The following SV2C variants were observed in gnomAD, a reference collection of about 807,000 sequenced individuals.
SV2C encodes synaptic vesicle glycoprotein 2C, also known as solute carrier family 22 member B3.
A neutral mutation model predicts 79.7 loss-of-function variants in SV2C; 49 were observed. That is an observed-to-expected ratio of 0.61 (90% CI 0.49 to 0.78). SV2C has a LOEUF of 0.78. SV2C is among the 30% of genes least tolerant of loss of function. The pLI, the probability that SV2C is intolerant of heterozygous loss-of-function variation, is 0.00. For missense variants in SV2C, 833 were observed against 912.9 expected (o/e 0.91, Z 1.13); for synonymous variants, 334 against 333.2 (o/e 1.00, Z -0.03).
intron 2 of SV2C, among the ~76,000 whole-genome samples, chr5:76,151,904 C>A (rs976789014): frequency 2.6e-5 from 4 of 152,098 alleles, no homozygotes; most frequent in South Asian, 2.1e-4. Flanking sequence ...GCTCCTGGGG[C>A]CTCACGGGGA....
chr5:75,878,165 G>C, the SV2C span, among the ~76,000 whole-genome samples: 1 of 152,066 alleles, frequency 6.6e-6, no homozygotes, highest in African/African-American at 2.4e-5. Context: ...AATCTAGATG[G>C]GTAGGAAAGG....
At chr5:75,946,775 A>G in the SV2C span, among the ~76,000 whole-genome samples, 2 of 152,098 alleles carry the variant, frequency 1.3e-5, no homozygotes, top group African/African-American at 2.4e-5. Context: ...GGGTTTGACT[A>G]CAAAGGTACA....
chr5:75,876,226 A>G, the SV2C span, among the ~76,000 whole-genome samples: 1 of 152,322 alleles, frequency 6.6e-6, no homozygotes, highest in South Asian at 2.1e-4. Context: ...ACATCATGGA[A>G]TACTATGCAG....
intron 4 of SV2C, among the ~76,000 whole-genome samples, chr5:76,276,983 A>G (rs1467566793): frequency 6.6e-6 from 1 of 152,238 alleles, no homozygotes. Context: ...AGTAGGAATG[A>G]ATGAACAAAA....
chr5:75,900,590 C>T, the SV2C span, among the ~76,000 whole-genome samples: 1 of 152,090 alleles, frequency 6.6e-6, no homozygotes, highest in Non-Finnish European at 1.5e-5. Context: ...CTCTGTATTT[C>T]CTGAATCTGA....
intron 4 of SV2C, among the ~76,000 whole-genome samples, chr5:76,238,389 C>T (rs1745682854): frequency 6.6e-6 from 1 of 152,026 alleles, no homozygotes; most frequent in Non-Finnish European, 1.5e-5. Flanking sequence ...TGTTCTCCTA[C>T]ATCTCTAAGG....
At chr5:76,098,520 G>C (rs575476036) in intron 1 of SV2C, among the ~76,000 whole-genome samples, 1 of 152,148 alleles carries the variant, frequency 6.6e-6, no homozygotes, top group East Asian at 1.9e-4. Context: ...CATTGTTGTC[G>C]GGGCAAAGCT....
At chr5:75,985,260 C>T in the SV2C span, among the ~76,000 whole-genome samples, 2 of 151,948 alleles carry the variant, frequency 1.3e-5, no homozygotes, top group East Asian at 3.9e-4. Context: ...AATTCACTCA[C>T]CCGAGAGGGA....
intron 1 of SV2C, among the ~76,000 whole-genome samples, chr5:76,130,226 G>A (rs1167633958): frequency 2.2e-5 from 3 of 138,506 alleles, no homozygotes; most frequent in Non-Finnish European, 4.6e-5. Context: ...AAAACATTTG[G>A]TTAAAAACCT....
At chr5:76,230,225 C>A (rs1187745865) in intron 4 of SV2C, among the ~76,000 whole-genome samples, 5 of 152,202 alleles carry the variant, frequency 3.3e-5, no homozygotes, top group African/African-American at 1.2e-4. Flanking sequence ...GATTTACTCA[C>A]ATTCAAATCC....
chr5:75,852,222 G>T, the SV2C span, among the ~76,000 whole-genome samples: 1 of 152,094 alleles, frequency 6.6e-6, no homozygotes, highest in Admixed American at 6.6e-5. Flanking sequence ...TAGATGATGA[G>T]TTGATGGGTG....
intron 4 of SV2C, among the ~76,000 whole-genome samples, chr5:76,230,916 C>T (rs1040106773): frequency 3.3e-5 from 5 of 152,196 alleles, no homozygotes; most frequent in Non-Finnish European, 7.3e-5. Flanking sequence ...CTTGGGTTCT[C>T]GAAGCCTCAG....
intron 6 of SV2C, chr5:76,286,746 C>T (rs1286172613): frequency 6.6e-6 from 1 of 152,196 alleles, no homozygotes; most frequent in Non-Finnish European, 1.5e-5. Context: ...AACTTCTGAT[C>T]ATGGCAGAAG....
At chr5:76,035,332 A>G in the SV2C span, among the ~76,000 whole-genome samples, 2,721 of 151,574 alleles carry the variant, frequency 0.018, 40 homozygotes, top group South Asian at 0.049. Context: ...AGTTCTTTTA[A>G]TTGTGATGTT....
Position 76,300,848 on chromosome 5 carries a change from A to C in SV2C, c.1756A>C (p.Asn586His). 6.2e-7 allele frequency: 1 copy of C among 1,614,168 alleles called. No homozygotes were observed. The highest frequency in any genetic ancestry group is 8.5e-7 in the Non-Finnish European group (1 of 1,180,006). The change falls in exon 11 of 13, where the codon AAC (asparagine) becomes CAC (histidine). Residue 586 changes from asparagine to histidine, a missense_variant. Physicochemically the swap from Asn to His is moderately conservative, Grantham distance 68. Transcript: ENST00000502798. ...DYSAYWIYFV[N>H]FLGTLAVLPG... is the part of the protein sequence containing the mutation. Reference sequence around the variant, plus strand: ...TAGTGCCTACTGGATTTATTTTGTCAACTTTCTGGGGACATTGGCAGTATT... The same window carrying C: ...TAGTGCCTACTGGATTTATTTTGTCCACTTTCTGGGGACATTGGCAGTATT...
intron 2 of SV2C, among the ~76,000 whole-genome samples, chr5:76,163,182 A>G (rs916192698): frequency 2.1e-5 from 3 of 144,194 alleles, no homozygotes; most frequent in Non-Finnish European, 3.0e-5. Context: ...CTTTGAGGTC[A>G]TTTTCTTTTT....
At chr5:76,088,786 A>G (rs1747281804) in intron 1 of SV2C, among the ~76,000 whole-genome samples, 1 of 145,474 alleles carries the variant, frequency 6.9e-6, no homozygotes, top group Non-Finnish European at 1.6e-5. Context: ...TAATTTTACA[A>G]TTTCCTTTTT....
At chr5:75,879,984 G>A in the SV2C span, among the ~76,000 whole-genome samples, 1 of 152,202 alleles carries the variant, frequency 6.6e-6, no homozygotes, top group Admixed American at 6.5e-5. Context: ...CTTATGGCTT[G>A]CATTCTCCAA....
At chr5:76,014,653 CAT>C in the SV2C span, among the ~76,000 whole-genome samples, 2 of 152,220 alleles carry the variant, frequency 1.3e-5, no homozygotes, top group East Asian at 1.9e-4. Flanking sequence ...CACACACACA[CAT>C]GTGCGCACAC....
Sources: gnomAD v4.1 joint callset for allele counts (sites outside exome capture counted in the v4.1 genomes callset) on GRCh38, gnomAD v4.1.1 for gene constraint, MANE v1.5 for transcripts, NCBI Gene and HGNC (gene_info 2026-07-23, HGNC 2026-07-21) for gene names.